The following PAK3 variants were observed in gnomAD, a reference collection of about 807,000 sequenced individuals.
PAK3 encodes p21 (RAC1) activated kinase 3, also known as serine/threonine-protein kinase PAK 3.
PAK3 carries 4 observed loss-of-function variants against 41.0 expected under a neutral mutation model. The ratio of observed to expected loss-of-function variants is 0.10; its 90% CI spans 0.05 to 0.22. The LOEUF is 0.22. Ranked by LOEUF, PAK3 falls within the 10% of genes least tolerant of loss-of-function variation. The probability of loss-of-function intolerance (pLI) is 1.00; values close to 1 mark genes in which losing one functional copy is unlikely to be tolerated. For synonymous variants in PAK3, 146 were observed against 139.6 expected, an observed-to-expected ratio of 1.05 and a Z score of -0.32; for missense variants, 205 against 409.9, an observed-to-expected ratio of 0.50 and a Z score of 4.32.
chrX:111,034,476 T>A (rs1232809183), intron 1 of PAK3, among the ~76,000 whole-genome samples: 1 of 111,997 alleles, frequency 8.9e-6, no homozygotes, highest in East Asian at 2.8e-4. Context: ...CTTCTTTGGC[T>A]GGTTTTTTAG....
intron 6 of PAK3, chrX:111,146,491 C>A: frequency 9.6e-7 from 1 of 1,037,814 alleles, no homozygotes. Flanking sequence ...TTTTAACTTT[C>A]TTTTCTTTCT....
chrX:111,077,794 C>G (rs1388998213), intron 1 of PAK3, among the ~76,000 whole-genome samples: 3 of 111,427 alleles, frequency 2.7e-5, no homozygotes, highest in Non-Finnish European at 5.7e-5. Context: ...ACAACTAAAG[C>G]GAAATTAGAC....
chrX:111,195,689 A>G (rs1229164005), intron 14 of PAK3, among the ~76,000 whole-genome samples, 153 bp from the exon 15 acceptor site: 1 of 112,232 alleles, frequency 8.9e-6, no homozygotes, highest in Non-Finnish European at 1.9e-5. Context: ...GTAAATGGTA[A>G]TGTGACTTTA....
chrX:110,955,500 G>A (rs1160738860), intron 1 of PAK3, among the ~76,000 whole-genome samples: 2 of 111,295 alleles, frequency 1.8e-5, no homozygotes, highest in Admixed American at 9.5e-5. Flanking sequence ...CAGGCATGGG[G>A]GTGTGCACCT....
intron 1 of PAK3, among the ~76,000 whole-genome samples, chrX:111,082,777 G>A (rs1444311927): frequency 8.9e-6 from 1 of 111,815 alleles, no homozygotes; most frequent in Non-Finnish European, 1.9e-5. Flanking sequence ...CCTGACAGAT[G>A]ATAGACATTT....
chrX:111,049,132 C>A (rs775486150), intron 1 of PAK3, among the ~76,000 whole-genome samples: 7 of 111,613 alleles, frequency 6.3e-5, no homozygotes, highest in Non-Finnish European at 9.4e-5. Flanking sequence ...TTGGAATGTT[C>A]TTCCCCTAGA....
intron 1 of PAK3, among the ~76,000 whole-genome samples, chrX:110,951,540 T>C (rs1269163090): frequency 4.5e-5 from 5 of 112,025 alleles, no homozygotes; most frequent in African/African-American, 1.6e-4. Context: ...TGTATACAAG[T>C]ACATTTTCCC....
intron 1 of PAK3, among the ~76,000 whole-genome samples, chrX:111,035,167 GA>G (rs2092386935): frequency 1.1e-5 from 1 of 90,446 alleles, no homozygotes; most frequent in Non-Finnish European, 2.2e-5. Flanking sequence ...AAGAAAGAAA[GA>G]AAGAAAGAAA....
At chrX:111,166,394 C>T (rs760863844) in intron 10 of PAK3, among the ~76,000 whole-genome samples, 3 of 111,491 alleles carry the variant, frequency 2.7e-5, no homozygotes, top group Non-Finnish European at 3.8e-5. Flanking sequence ...ACCTTGACCT[C>T]GTGGGCTCAA....
At chrX:110,956,006 C>T (rs2090849754) in intron 1 of PAK3, among the ~76,000 whole-genome samples, 1 of 112,184 alleles carries the variant, frequency 8.9e-6, no homozygotes, top group Admixed American at 9.4e-5. Flanking sequence ...TCTTAACCAC[C>T]TAACTGCCTT....
chrX:111,177,338 G>A (rs1295233713), intron 11 of PAK3, among the ~76,000 whole-genome samples: 2 of 111,828 alleles, frequency 1.8e-5, no homozygotes, highest in Admixed American at 9.5e-5. Flanking sequence ...ATGGGTTTCT[G>A]CCATCCCAGC....
rs142367451 is a variant in PAK3 at position 111,056,462 on chromosome X, T to G, written c.-27-66615T>G. ...CTTTTGCATTAGATACTACACAAACTATAATTCATTGTCCCTCATGTTCCT... is the reference window on the plus strand; with the variant it reads ...CTTTTGCATTAGATACTACACAAACGATAATTCATTGTCCCTCATGTTCCT... On this transcript the variant is annotated intron_variant, in intron 1 of 14. Coordinates refer to the PAK3 transcript ENST00000425146. 3.2e-4 allele frequency among the ~76,000 whole-genome samples: 36 copies of G among 112,501 alleles called. No homozygotes were observed. The East Asian group carries it at 9.5e-3, about 30-fold the overall frequency.
At chrX:111,179,013 A>C (rs866500748) in intron 11 of PAK3, among the ~76,000 whole-genome samples, 1 of 100,179 alleles carries the variant, frequency 1.0e-5, no homozygotes, top group Non-Finnish European at 2.0e-5. Flanking sequence ...CTATATATCT[A>C]TATATATATA....
At chrX:110,994,736 G>A (rs2091711211) in intron 1 of PAK3, among the ~76,000 whole-genome samples, 1 of 111,672 alleles carries the variant, frequency 9.0e-6, no homozygotes, top group African/African-American at 3.3e-5. Flanking sequence ...GAATATCAGA[G>A]CTTGGCAGTT....
At chrX:111,126,434 G>A (rs1048570282) in intron 5 of PAK3, among the ~76,000 whole-genome samples, 4 of 110,681 alleles carry the variant, frequency 3.6e-5, no homozygotes, top group Non-Finnish European at 7.6e-5. Flanking sequence ...GGGGAAAGAG[G>A]GATTACTATT....
At chrX:111,172,363 T>C (rs2094353816) in intron 10 of PAK3, among the ~76,000 whole-genome samples, 3 of 111,777 alleles carry the variant, frequency 2.7e-5, no homozygotes, top group East Asian at 2.8e-4. Flanking sequence ...CTTCAACTTT[T>C]GTTATAGATT....
intron 1 of PAK3, among the ~76,000 whole-genome samples, chrX:110,972,665 T>A (rs374476934): frequency 1.8e-5 from 2 of 111,314 alleles, no homozygotes; most frequent in East Asian, 5.7e-4. Flanking sequence ...CCTGCAAAGG[T>A]TTGCAGCTCC....
Position 111,069,758 on chromosome X carries a change from G to T in PAK3, c.-27-53319G>T. Reference sequence around the variant, plus strand: ...CACACATACATCCTGAGAATAGTGGGGTTTAATTTGTTTTCCAAATGAATA... The same window carrying T: ...CACACATACATCCTGAGAATAGTGGTGTTTAATTTGTTTTCCAAATGAATA... On this transcript the variant is annotated intron_variant, in intron 1 of 14. Transcript: ENST00000425146. Among the ~76,000 whole-genome samples, 4 of 110,446 alleles carry T rather than the reference G, an allele frequency of 3.6e-5. 1 individual carries two copies. In the Middle Eastern group the frequency reaches 0.019, roughly 516 times the overall value.
chrX:111,133,312 C>T (rs1168285099), intron 5 of PAK3, among the ~76,000 whole-genome samples: 1 of 111,324 alleles, frequency 9.0e-6, no homozygotes, highest in Non-Finnish European at 1.9e-5. Context: ...CTTACCCTTG[C>T]ATCTAGGTAT....
Sources: gnomAD v4.1 joint callset for allele counts (sites outside exome capture counted in the v4.1 genomes callset) on GRCh38, gnomAD v4.1.1 for gene constraint, MANE v1.5 for transcripts, NCBI Gene and HGNC (gene_info 2026-07-23, HGNC 2026-07-21) for gene names.